AUTS2: variants seen among roughly 807,000 people sequenced by gnomAD.
AUTS2 encodes the protein activator of transcription and developmental regulator AUTS2, also known as autism susceptibility gene 2 protein.
Under a neutral mutation model 112.4 loss-of-function variants are expected in AUTS2, and 17 were observed. That is an observed-to-expected ratio of 0.15 (90% CI 0.10 to 0.23). The LOEUF (loss-of-function observed/expected upper bound fraction) is 0.23, where lower values mean the gene tolerates loss of function less well. AUTS2 is among the 10% of genes least tolerant of loss of function. AUTS2 has a pLI of 1.00. For synonymous variants in AUTS2, 751 were observed against 702.7 expected (o/e 1.07, Z -1.09); for missense variants, 1,510 against 1,701.6 (o/e 0.89, Z 1.98).
chr7:70,126,010 A>G (rs1242047047), intron 3 of AUTS2, among the ~76,000 whole-genome samples: 3 of 152,236 alleles, frequency 2.0e-5, no homozygotes, highest in African/African-American at 7.2e-5. Flanking sequence ...AAGTGAGGCT[A>G]ATCAAAATAG....
intron 2 of AUTS2, among the ~76,000 whole-genome samples, chr7:70,092,233 A>G (rs1803958887): frequency 6.6e-6 from 1 of 152,162 alleles, no homozygotes; most frequent in Non-Finnish European, 1.5e-5. Flanking sequence ...CATGTTAGGC[A>G]TATTTTAGCC....
At chr7:70,788,805 A>T (rs73704817) in intron 18 of AUTS2, among the ~76,000 whole-genome samples, 2,509 of 152,338 alleles carry the variant, frequency 0.016, 63 homozygotes, top group African/African-American at 0.058. Context: ...CCAAGCCAGC[A>T]TGGCAGCCTG....
intron 1 of AUTS2, among the ~76,000 whole-genome samples, chr7:69,892,241 C>T (rs1229664587): frequency 1.3e-5 from 2 of 148,604 alleles, no homozygotes; most frequent in East Asian, 2.0e-4. Context: ...GGTGCAATCT[C>T]GGCTCACTGC....
At chr7:70,706,819 T>G (rs1412792024) in intron 6 of AUTS2, among the ~76,000 whole-genome samples, 1 of 152,244 alleles carries the variant, frequency 6.6e-6, no homozygotes, top group Admixed American at 6.5e-5. Context: ...ACTGGCCAGA[T>G]GTTTAGACTC....
In AUTS2 at chr7:70,154,993, G is replaced by A. The variant is rs374153490; in HGVS notation, c.660+20422G>A. Among the ~76,000 whole-genome samples the A allele has an allele frequency of 5.9e-5, 9 of 152,320 alleles. No individual in the cohort carries two copies. In the South Asian group the frequency reaches 1.9e-3, roughly 32 times the overall value. On this transcript the variant is annotated intron_variant, in intron 4 of 18. Transcript: ENST00000342771. ...CCTGCTTTACAGGTTTGGTGAATGA[G>A]CAGCTGACAGCACAGCAAGCACACT...
intron 1 of AUTS2, among the ~76,000 whole-genome samples, chr7:69,631,833 T>C (rs1268959550): frequency 6.6e-6 from 1 of 152,238 alleles, no homozygotes; most frequent in Non-Finnish European, 1.5e-5. Flanking sequence ...GTGTTTACTT[T>C]GTAAAACACT....
intron 1 of AUTS2, among the ~76,000 whole-genome samples, chr7:69,680,426 A>G (rs773718028): frequency 3.9e-5 from 6 of 152,192 alleles, no homozygotes; most frequent in Non-Finnish European, 8.8e-5. Flanking sequence ...GCATACACGC[A>G]TTATCATTGT....
At chr7:69,619,353 T>C in intron 1 of AUTS2, among the ~76,000 whole-genome samples, 1 of 152,016 alleles carries the variant, frequency 6.6e-6, no homozygotes, top group East Asian at 1.9e-4. Flanking sequence ...CTGTTGAAAG[T>C]GTTTGAGATG....
chr7:70,243,799 T>C (rs1243249581), intron 4 of AUTS2, among the ~76,000 whole-genome samples: 1 of 152,164 alleles, frequency 6.6e-6, no homozygotes, highest in Non-Finnish European at 1.5e-5. Flanking sequence ...ATGACTACTC[T>C]TAACAGGGAT....
intron 6 of AUTS2, among the ~76,000 whole-genome samples, chr7:70,751,223 G>A (rs1464787955): frequency 6.6e-6 from 1 of 152,128 alleles, no homozygotes; most frequent in African/African-American, 2.4e-5. Flanking sequence ...TCAGCTTCTC[G>A]GATGAAGGTG....
At chr7:70,391,638 C>T (rs886685131) in intron 4 of AUTS2, among the ~76,000 whole-genome samples, 1 of 152,036 alleles carries the variant, frequency 6.6e-6, no homozygotes, top group Non-Finnish European at 1.5e-5. Flanking sequence ...GTCGGGGAAA[C>T]ATTTGCCTGG....
chr7:70,775,461 C>T (rs1790624688), intron 13 of AUTS2, 75 bp downstream of exon 13: 1 of 1,170,136 alleles, frequency 8.5e-7, no homozygotes, highest in Non-Finnish European at 1.3e-6. Flanking sequence ...AAGTCTATTA[C>T]AAGGAAATAA....
intron 2 of AUTS2, among the ~76,000 whole-genome samples, chr7:69,970,160 G>C (rs1260318480): frequency 6.6e-6 from 1 of 152,056 alleles, no homozygotes; most frequent in East Asian, 1.9e-4. Context: ...TCTTGAATTA[G>C]ATTGGTGCCT....
At chr7:70,260,677 C>T (rs949452796) in intron 4 of AUTS2, among the ~76,000 whole-genome samples, 1 of 151,882 alleles carries the variant, frequency 6.6e-6, no homozygotes, top group African/African-American at 2.4e-5. Context: ...ATATATAGTG[C>T]AGCAGTCCCA....
At chr7:70,637,532 T>C (rs1805591819) in intron 5 of AUTS2, among the ~76,000 whole-genome samples, 1 of 152,224 alleles carries the variant, frequency 6.6e-6, no homozygotes, top group Non-Finnish European at 1.5e-5. Flanking sequence ...ATAAATCAGA[T>C]AACAGGTGTT....
rs373369666 is a variant in AUTS2, at chr7:70,609,222, T to A, written c.691-89347T>A. ...CCTTTGACCAACACTTCCCAACCCC[T>A]CCGCCCAGCCCCTGGTAACCACCAT... is the stretch of plus-strand genomic sequence containing the variant. On this transcript the variant is annotated intron_variant, in intron 5 of 18. Coordinates refer to ENST00000342771, the MANE Select transcript of AUTS2 (RefSeq NM_015570.4). Among the ~76,000 whole-genome samples, 11 of 152,184 alleles carry A rather than the reference T, an allele frequency of 7.2e-5. No individual in the cohort carries two copies. The South Asian group carries it at 2.3e-3, about 32-fold the overall frequency.
chr7:70,376,146 C>T (rs1490290556), intron 4 of AUTS2, among the ~76,000 whole-genome samples: 2 of 152,122 alleles, frequency 1.3e-5, no homozygotes, highest in African/African-American at 4.8e-5. Flanking sequence ...GAAAAGGACA[C>T]CTCTGTATCC....
chr7:69,654,927 A>G (rs963741064), intron 1 of AUTS2, among the ~76,000 whole-genome samples: 1 of 152,184 alleles, frequency 6.6e-6, no homozygotes, highest in Non-Finnish European at 1.5e-5. Flanking sequence ...AAATAAGGCT[A>G]TAAGTGCTCT....
intron 4 of AUTS2, among the ~76,000 whole-genome samples, chr7:70,149,206 A>G (rs1807295197): frequency 6.6e-6 from 1 of 152,028 alleles, no homozygotes; most frequent in Non-Finnish European, 1.5e-5. Context: ...CCAATTTTTA[A>G]TGTTGTAAAT....
Sources: allele counts gnomAD v4.1 joint callset (sites outside exome capture counted in the v4.1 genomes callset), GRCh38; gene constraint gnomAD v4.1.1; transcripts MANE v1.5; gene names NCBI Gene and HGNC (gene_info 2026-07-23, HGNC 2026-07-21).